Variants in PCDHA2 observed in about 807,000 individuals in gnomAD.
PCDHA2 encodes protocadherin alpha-2.
PCDHA2 carries 58 observed loss-of-function variants against 66.0 expected under a neutral mutation model. That is an observed-to-expected ratio of 0.88 (90% CI 0.71 to 1.09). PCDHA2 has a LOEUF of 1.09. Ranked by LOEUF, PCDHA2 falls within the 50% of genes least tolerant of loss-of-function variation. The probability of loss-of-function intolerance (pLI) is 0.00; values close to 1 mark genes in which losing one functional copy is unlikely to be tolerated. For synonymous variants in PCDHA2, 634 were observed against 554.0 expected (o/e 1.14, Z -2.03); for missense variants, 1,267 against 1,242.3 (o/e 1.02, Z -0.30).
chr5:140,950,022 A>G (rs1355491628), intron 1 of PCDHA2, among the ~76,000 whole-genome samples: 1 of 151,918 alleles, frequency 6.6e-6, no homozygotes, highest in Non-Finnish European at 1.5e-5. Flanking sequence ...CCTTCATAAA[A>G]TATAGAAAAG....
intron 1 of PCDHA2, among the ~76,000 whole-genome samples, chr5:140,819,706 G>A (rs2150054349): frequency 1.3e-5 from 2 of 152,142 alleles, no homozygotes; most frequent in East Asian, 3.9e-4. Context: ...AATTTAAAAA[G>A]TAAATATAAT....
chr5:141,008,241 C>G (rs1474460463), intron 3 of PCDHA2, among the ~76,000 whole-genome samples: 2 of 152,118 alleles, frequency 1.3e-5, no homozygotes, highest in African/African-American at 2.4e-5. Flanking sequence ...TGCTCAGGGA[C>G]ACCAAATTAG....
At chr5:140,857,050 G>T in intron 1 of PCDHA2, 1 of 1,595,508 alleles carries the variant, frequency 6.3e-7, no homozygotes, top group Non-Finnish European at 8.6e-7. Flanking sequence ...GTCACTGCAC[G>T]GTCCTAGTGG....
intron 1 of PCDHA2, among the ~76,000 whole-genome samples, chr5:140,897,653 G>A (rs1446334429): frequency 1.3e-5 from 2 of 152,100 alleles, no homozygotes; most frequent in Non-Finnish European, 2.9e-5. Flanking sequence ...AAACATACGT[G>A]TGCATGTGTC....
At chr5:140,809,705 A>G in intron 1 of PCDHA2, 2 of 1,097,976 alleles carry the variant, frequency 1.8e-6, no homozygotes, top group Non-Finnish European at 2.6e-6. Flanking sequence ...TTTTAACTAA[A>G]GTCTTTTGGA....
In PCDHA2 at chr5:140,838,362, G is replaced by A. The variant is rs145931945; in HGVS notation, c.2388+41010G>A. Among the ~76,000 whole-genome samples, 553 of 150,200 alleles carry A rather than the reference G, an allele frequency of 3.7e-3. 7 individuals carry two copies. Among genetic ancestry groups the A allele is most frequent in the African/African-American group, 0.013 (527 of 40,560 alleles). ...TGGTCTCGAAATCTGGGACTCAAGT[G>A]ATCTGACTGCCTCAGCCTCCCAATG... is the stretch of plus-strand genomic sequence containing the variant. On this transcript the variant is annotated intron_variant, in intron 1 of 3. Coordinates refer to ENST00000526136, the MANE Select transcript of PCDHA2 (RefSeq NM_018905.3).
At chr5:140,842,267 T>C (rs2150333098) in intron 1 of PCDHA2, 11 of 1,610,674 alleles carry the variant, frequency 6.8e-6, no homozygotes, top group African/African-American at 5.3e-5. Flanking sequence ...AGAAAACTTA[T>C]ACAAAATCCT....
At chr5:140,978,791 A>G (rs1443899144) in intron 1 of PCDHA2, 158 bp from the exon 2 acceptor site, 1 of 976,042 alleles carries the variant, frequency 1.0e-6, no homozygotes, top group Non-Finnish European at 1.2e-6. Context: ...AAAGTGCTAT[A>G]TATGTAGATA....
In PCDHA2 at chr5:140,823,700, C is replaced by T. The variant is rs144257451; in HGVS notation, c.2388+26348C>T. ...CGCTCTCTGGATGAGACCGAAGCAC[C>T]GCGCCACCGCCTTCTGGTGCTGGTG... On this transcript the variant is annotated intron_variant, in intron 1 of 3. Coordinates refer to ENST00000526136, the MANE Select transcript of PCDHA2 (RefSeq NM_018905.3). 9.7e-5 allele frequency: 156 copies of T among 1,613,940 alleles called. No individual in the cohort carries two copies. In the African/African-American group the frequency reaches 1.9e-3, roughly 20 times the overall value.
At chr5:140,821,907 T>G (rs2150111857) in intron 1 of PCDHA2, 1 of 1,614,210 alleles carries the variant, frequency 6.2e-7, no homozygotes, top group East Asian at 2.2e-5. Context: ...GAACCTTCGT[T>G]GGCCGCATCG....
intron 1 of PCDHA2, among the ~76,000 whole-genome samples, chr5:140,871,854 A>C (rs1271399215): frequency 6.6e-6 from 1 of 152,254 alleles, no homozygotes; most frequent in African/African-American, 2.4e-5. Context: ...TATGACCATA[A>C]TAACTATGGA....
intron 1 of PCDHA2, chr5:140,831,249 A>G (rs1232013829): frequency 5.3e-5 from 8 of 152,084 alleles, no homozygotes; most frequent in African/African-American, 1.9e-4. Flanking sequence ...CGGCTCTCTT[A>G]TTTCTGTTTG....
At chr5:140,808,252 A>T in intron 1 of PCDHA2, 2 of 1,614,232 alleles carry the variant, frequency 1.2e-6, no homozygotes, top group Non-Finnish European at 1.7e-6. Context: ...TCAAGTCTTT[A>T]TCACTTCCAA....
chr5:140,828,853 T>C (rs2150159724), intron 1 of PCDHA2: 921 of 1,613,698 alleles, frequency 5.7e-4, no homozygotes, highest in South Asian at 4.0e-3. Flanking sequence ...TATTCGAAAA[T>C]GCAGACAACG....
chr5:140,805,371 A>C, intron 1 of PCDHA2: 1 of 1,148,784 alleles, frequency 8.7e-7, no homozygotes, highest in Non-Finnish European at 1.1e-6. Context: ...GTCCCCACAT[A>C]GTGAAAGTAC....
At chr5:140,884,378 A>G (rs781954919) in intron 1 of PCDHA2, 3 of 1,613,952 alleles carry the variant, frequency 1.9e-6, no homozygotes, top group Non-Finnish European at 2.5e-6. Flanking sequence ...GATCATTGCC[A>G]TCTGCGCGGT....
rs1554120315 is a variant in PCDHA2, at chr5:140,797,157, G to T, written c.2193G>T (p.Ala731=). The change falls in exon 1 of 4, where the codon GCG becomes GCT. Residue 731 remains alanine, a synonymous_variant. Transcript: ENST00000526136. ...LRCSVPPTEG[A]RAPGKPTLVC... is the part of the protein sequence containing the mutation. ...GCTCGGTGCCACCCACCGAGGGTGCGCGCGCGCCAGGAAAGCCCACGCTGG... is the reference window on the plus strand; with the variant it reads ...GCTCGGTGCCACCCACCGAGGGTGCTCGCGCGCCAGGAAAGCCCACGCTGG... The T allele has an allele frequency of 6.2e-7, 1 of 1,613,840 alleles. No individual in the cohort carries two copies. The highest frequency in any genetic ancestry group is 2.2e-5 in the East Asian group (1 of 44,880).
rs782385792 is a variant in PCDHA2, at chr5:140,797,102, T to C, written c.2138T>C (p.Leu713Pro). 58 of 1,613,876 alleles carry C rather than the reference T, an allele frequency of 3.6e-5. No individual in the cohort carries two copies. In the Admixed American group the frequency reaches 9.7e-4, roughly 27 times the overall value. ...TGCGCGGTATCCAGCCTGTTGGTGC[T>C]CACGGTGCTGCTGTACACTGCGCTG... The part of the protein sequence containing the change: ...AICAVSSLLV[L>P]TVLLYTALRC... Residue 713 changes from leucine to proline, a missense_variant, in exon 1 of 4, where the codon CTC (leucine) becomes CCC (proline). Physicochemically the swap from Leu to Pro is moderately conservative, Grantham distance 98. Coordinates refer to ENST00000526136, the MANE Select transcript of PCDHA2 (RefSeq NM_018905.3).
At chr5:140,850,644 C>T in intron 1 of PCDHA2, 1 of 1,598,664 alleles carries the variant, frequency 6.3e-7, no homozygotes, top group Non-Finnish European at 8.6e-7. Flanking sequence ...CACGCTGCTG[C>T]TGTACACTGT....
Sources: gnomAD v4.1 joint callset for allele counts (sites outside exome capture counted in the v4.1 genomes callset) on GRCh38, gnomAD v4.1.1 for gene constraint, MANE v1.5 for transcripts, NCBI Gene and HGNC (gene_info 2026-07-23, HGNC 2026-07-21) for gene names.